Variants in COQ5 observed in about 807,000 individuals in gnomAD.
The protein encoded by COQ5 is 2-methoxy-6-polyprenyl-1,4-benzoquinol methylase, mitochondrial.
COQ5 carries 27 observed loss-of-function variants against 40.5 expected under a neutral mutation model. The ratio of observed to expected loss-of-function variants is 0.67; its 90% CI spans 0.49 to 0.92. The LOEUF (loss-of-function observed/expected upper bound fraction) is 0.92. Ranked by LOEUF, COQ5 falls within the 40% of genes least tolerant of loss-of-function variation. The pLI is 0.00. For missense variants in COQ5, 409 were observed against 406.4 expected (o/e 1.01, Z -0.06); for synonymous variants, 141 against 150.0 (o/e 0.94, Z 0.44).
chr12:120,518,591 A>C (rs1305373954), intron 2 of COQ5, among the ~76,000 whole-genome samples: 2 of 147,788 alleles, frequency 1.4e-5, no homozygotes, highest in East Asian at 3.9e-4. Context: ...CCTGAGACGG[A>C]GGCTCGCTCT....
In COQ5 at chr12:120,519,037, C is replaced by A. The variant is rs577850791; in HGVS notation, c.353-2249G>T. ...TTGTTATACCACGTGTTTTCTTATT[C>A]TTCCCACTTAATATGTCCTTGCAAC... On this transcript the variant is annotated intron_variant, in intron 2 of 6. Coordinates refer to ENST00000288532, the MANE Select transcript of COQ5 (RefSeq NM_032314.4). 2.6e-5 allele frequency among the ~76,000 whole-genome samples: 4 copies of A among 152,308 alleles called. No individual in the cohort carries two copies. The South Asian group carries it at 8.3e-4, about 32-fold the overall frequency.
At chr12:120,504,658 G>A in intron 5 of COQ5, 1 of 513,632 alleles carries the variant, frequency 1.9e-6, no homozygotes, top group Non-Finnish European at 3.5e-6. Flanking sequence ...ATTGGACCAG[G>A]CATTTCCTGA....
intron 3 of COQ5, among the ~76,000 whole-genome samples, chr12:120,512,616 A>G (rs1869187097): frequency 6.6e-6 from 1 of 152,166 alleles, no homozygotes; most frequent in South Asian, 2.1e-4. Context: ...AAATACATAA[A>G]TAAACAAACA....
rs146843654 is a variant in COQ5 at position 120,504,904 on chromosome 12, A to G, written c.761T>C (p.Leu254Pro). Residue 254 changes from leucine (L) to proline (P), a missense_variant, in exon 5 of 7, where the codon CTC becomes CCC. Coordinates refer to ENST00000288532, the MANE Select transcript of COQ5 (RefSeq NM_032314.4). ...CLEFSQVNNPLISRLYDLYSF... is the reference protein window; with the variant it reads ...CLEFSQVNNPPISRLYDLYSF... ...TATTAACAATGCCAACCTGGATATG[A>G]GGGGATTGTTCACTTGGCTAAATTC... 1.4e-5 allele frequency: 22 copies of G among 1,613,850 alleles called. No homozygotes were observed. The African/African-American group carries it at 2.8e-4, about 21-fold the overall frequency.
intron 2 of COQ5, 152 bp downstream of exon 2, chr12:120,522,062 A>C: frequency 1.4e-6 from 1 of 727,922 alleles, no homozygotes; most frequent in South Asian, 1.9e-5. Flanking sequence ...TCAGTCAAAA[A>C]GATAAGTGCG....
rs1457199442 is a variant in COQ5 at position 120,514,668 on chromosome 12, G to A, written c.574+1899C>T. Reference sequence around the variant, plus strand: ...TGAGGCACAAGAATTGCTTGAACCCGGGAGGCAGAGGTTGTAGTGACCCGA... The same window carrying A: ...TGAGGCACAAGAATTGCTTGAACCCAGGAGGCAGAGGTTGTAGTGACCCGA... On this transcript the variant is annotated intron_variant, in intron 3 of 6. Coordinates refer to ENST00000288532, the MANE Select transcript of COQ5 (RefSeq NM_032314.4). Among the ~76,000 whole-genome samples the A allele has an allele frequency of 5.9e-5, 9 of 151,576 alleles. No individual in the cohort carries two copies. In the East Asian group the frequency reaches 9.9e-4, roughly 17 times the overall value.
chr12:120,517,255 G>A (rs1162605544), intron 2 of COQ5, among the ~76,000 whole-genome samples: 1 of 151,984 alleles, frequency 6.6e-6, no homozygotes, highest in Non-Finnish European at 1.5e-5. Flanking sequence ...GGGAGCCTGC[G>A]GCAGGAGAAT....
intron 4 of COQ5, 54 bp from the exon 5 acceptor site, chr12:120,505,037 C>T: frequency 7.1e-7 from 1 of 1,417,582 alleles, no homozygotes; most frequent in South Asian, 1.2e-5. Flanking sequence ...TCACTCAATT[C>T]CATGAGGCCA....
chr12:120,524,556 G>C (rs1056520082), intron 1 of COQ5, among the ~76,000 whole-genome samples: 1 of 152,164 alleles, frequency 6.6e-6, no homozygotes, highest in Admixed American at 6.5e-5. Context: ...CACCACGCCC[G>C]GCCTTAAAGT....
chr12:120,504,329 C>T (rs1365569146), intron 5 of COQ5, among the ~76,000 whole-genome samples: 1 of 151,880 alleles, frequency 6.6e-6, no homozygotes, highest in African/African-American at 2.4e-5. Flanking sequence ...GGGAGATAGG[C>T]CTACCCAGGG....
At chr12:120,514,214 C>T (rs1869273401) in intron 3 of COQ5, among the ~76,000 whole-genome samples, 1 of 152,034 alleles carries the variant, frequency 6.6e-6, no homozygotes, top group African/African-American at 2.4e-5. Flanking sequence ...ACAAAGGAGC[C>T]CTTCAGCTTG....
At chr12:120,520,567 G>C (rs1277091532) in intron 2 of COQ5, among the ~76,000 whole-genome samples, 2 of 151,644 alleles carry the variant, frequency 1.3e-5, no homozygotes, top group Non-Finnish European at 2.9e-5. Context: ...CTCATGATCC[G>C]ACCGCCTCGG....
intron 1 of COQ5, chr12:120,526,484 C>G: frequency 4.4e-6 from 2 of 455,280 alleles, no homozygotes; most frequent in Non-Finnish European, 8.8e-6. Flanking sequence ...GGAGCTGTGA[C>G]AAAAAGGTTG....
At chr12:120,522,573 T>TAGC in intron 1 of COQ5, 2 of 643,828 alleles carry the variant, frequency 3.1e-6, no homozygotes, top group Non-Finnish European at 5.5e-6. Flanking sequence ...TTTGTACAAA[T>TAGC]AGCACAGGAG....
At chr12:120,510,152 A>G (rs1869062557) in intron 3 of COQ5, 29 bp from the exon 4 acceptor site, 6 of 1,539,768 alleles carry the variant, frequency 3.9e-6, no homozygotes, top group Non-Finnish European at 4.5e-6. Context: ...TCCGGGTCTC[A>G]GTGTGGGTAG....
intron 1 of COQ5, among the ~76,000 whole-genome samples, chr12:120,524,842 G>A (rs909609726): frequency 1.2e-4 from 18 of 151,508 alleles, no homozygotes; most frequent in Non-Finnish European, 2.4e-4. Flanking sequence ...TTTTTGGGAC[G>A]GAGTCTTGCT....
At chr12:120,528,023 G>A (rs932994947) in intron 1 of COQ5, among the ~76,000 whole-genome samples, 7,333 of 47,458 alleles carry the variant, frequency 0.15, 1 homozygote, top group Non-Finnish European at 0.19. Context: ...AAAAAAAAAA[G>A]AAACCCCGTC....
intron 2 of COQ5, among the ~76,000 whole-genome samples, chr12:120,520,358 C>T (rs1047174064): frequency 4.0e-4 from 61 of 151,262 alleles, no homozygotes; most frequent in Admixed American, 4.0e-3. Context: ...CAGAGTCTCG[C>T]TCTGTTGCCC....
intron 3 of COQ5, among the ~76,000 whole-genome samples, chr12:120,513,563 C>G (rs1330096075): frequency 6.8e-6 from 1 of 148,120 alleles, no homozygotes; most frequent in Non-Finnish European, 1.5e-5. Context: ...TGAGACAGAG[C>G]CTTGCTCTGT....
Sources: allele counts gnomAD v4.1 joint callset (sites outside exome capture counted in the v4.1 genomes callset), GRCh38; gene constraint gnomAD v4.1.1; transcripts MANE v1.5; gene names NCBI Gene and HGNC (gene_info 2026-07-23, HGNC 2026-07-21).